NSG2: variants seen among roughly 807,000 people sequenced by gnomAD.
NSG2 encodes the protein neuronal vesicle trafficking associated 2.
NSG2 carries 4 observed loss-of-function variants against 16.9 expected under a neutral mutation model. That is an observed-to-expected ratio of 0.24 (90% CI 0.12 to 0.54). NSG2 has a LOEUF of 0.54. Ranked by LOEUF, NSG2 falls within the 20% of genes least tolerant of loss-of-function variation. NSG2 has a pLI of 0.95. For missense variants in NSG2, 179 were observed against 221.1 expected (o/e 0.81, Z 1.21); for synonymous variants, 98 against 88.7 (o/e 1.11, Z -0.59).
At position 174,076,950 on chromosome 5, in the gene NSG2, C is replaced by T. The variant is rs113172989; in HGVS notation, c.213+12635C>T. Among the ~76,000 whole-genome samples the T allele has an allele frequency of 7.1e-3, 1,083 of 152,284 alleles. 11 individuals are homozygous for T. The highest frequency in any genetic ancestry group is 0.024 in the African/African-American group (979 of 41,562). On this transcript the variant is annotated intron_variant, in intron 3 of 4. Transcript: ENST00000303177. ...AAAACCAGAAATCAAACCATAGTCA[C>T]GCCACCAAGGATAAGTCAGATTTGT... is the stretch of plus-strand genomic sequence containing the variant.
chr5:174,069,532 TC>T (rs1191645638), intron 3 of NSG2, among the ~76,000 whole-genome samples: 2 of 152,170 alleles, frequency 1.3e-5, no homozygotes, highest in Non-Finnish European at 1.5e-5. Context: ...ATCTCTCCAC[TC>T]CCAAGTTCCC....
intron 3 of NSG2, among the ~76,000 whole-genome samples, chr5:174,099,216 A>T (rs1487889283): frequency 2.0e-5 from 3 of 152,080 alleles, no homozygotes; most frequent in African/African-American, 7.2e-5. Flanking sequence ...CTCGCCCTGG[A>T]ACCAAACCAG....
In NSG2 at chr5:174,072,753, G is replaced by A. The variant is rs567219557; in HGVS notation, c.213+8438G>A. ...AATCCTAGCACTTTGGAAGGCCAAG[G>A]TGGGAGGATTGCTTGAACCCAGGAG... On this transcript the variant is annotated intron_variant, in intron 3 of 4. Transcript: ENST00000303177. This position sits in a 1 kb window ranked among gnomAD's most constrained non-coding sequence, Gnocchi z 4.0. 6.6e-6 allele frequency among the ~76,000 whole-genome samples: 1 copy of A among 152,360 alleles called. No homozygotes were observed. The highest frequency in any genetic ancestry group is 2.4e-5 in the African/African-American group (1 of 41,582).
At chr5:174,104,372 C>A in intron 4 of NSG2, 34 bp downstream of exon 4, 1 of 1,447,872 alleles carries the variant, frequency 6.9e-7, no homozygotes, top group Non-Finnish European at 9.7e-7. Flanking sequence ...AGGTCACTAT[C>A]AAATTCAGTT....
In NSG2 at chr5:174,107,475, G is replaced by A. The variant is rs762053525; in HGVS notation, c.486G>A (p.Glu162=). The A allele has an allele frequency of 2.5e-6, 4 of 1,611,554 alleles. No homozygotes were observed. In the East Asian group the frequency reaches 6.7e-5, roughly 27 times the overall value. Residue 162 remains glutamate (E), a synonymous_variant, in exon 5 of 5, where the codon GAG becomes GAA. Coordinates refer to ENST00000303177, the MANE Select transcript of NSG2 (RefSeq NM_015980.5). This position sits in a 1 kb window ranked among gnomAD's most constrained non-coding sequence, Gnocchi z 4.5. ...TGTCAGCAGCCGCTGTCATCCATGAGCCCAAGCCGCCCAAGACCCAGGGCC... is the reference window on the plus strand; with the variant it reads ...TGTCAGCAGCCGCTGTCATCCATGAACCCAAGCCGCCCAAGACCCAGGGCC... ...PWLSAAAVIH[E]PKPPKTQGH
chr5:174,067,961 A>G (rs1222145431), intron 3 of NSG2, among the ~76,000 whole-genome samples: 1 of 151,996 alleles, frequency 6.6e-6, no homozygotes, highest in African/African-American at 2.4e-5. Context: ...GAGGGGGAAG[A>G]CAGGTGGTCT....
At chr5:174,102,828 G>C (rs569799085) in intron 3 of NSG2, among the ~76,000 whole-genome samples, 1 of 150,918 alleles carries the variant, frequency 6.6e-6, no homozygotes, top group Non-Finnish European at 1.5e-5. Context: ...ACCCAGCCTG[G>C]AGTGCTGTGG....
intron 1 of NSG2, 73 bp from the exon 2 acceptor site, chr5:174,046,661 T>A: frequency 7.1e-7 from 1 of 1,402,192 alleles, no homozygotes; most frequent in South Asian, 1.2e-5. Flanking sequence ...AGGACAGTGC[T>A]ATTTTCTCTG....
intron 2 of NSG2, among the ~76,000 whole-genome samples, chr5:174,053,963 G>A (rs953624826): frequency 2.6e-5 from 4 of 152,166 alleles, no homozygotes; most frequent in African/African-American, 9.7e-5. Flanking sequence ...GTTACCCTAT[G>A]GGTATATATT....
intron 2 of NSG2, among the ~76,000 whole-genome samples, chr5:174,058,847 CT>C (rs1348977803): frequency 2.6e-5 from 4 of 152,194 alleles, no homozygotes; most frequent in Non-Finnish European, 4.4e-5. Flanking sequence ...GCCTGAGTTG[CT>C]TTTGGAGAAA....
chr5:174,082,201 C>T (rs981702866), intron 3 of NSG2: 1 of 152,280 alleles, frequency 6.6e-6, no homozygotes, highest in Non-Finnish European at 1.5e-5. Flanking sequence ...TGGCCCCATT[C>T]AGTCAATAAG....
chr5:174,076,347 A>G (rs1237698378), intron 3 of NSG2, among the ~76,000 whole-genome samples: 1 of 152,132 alleles, frequency 6.6e-6, no homozygotes, highest in African/African-American at 2.4e-5. Flanking sequence ...AAGTATTGTC[A>G]TTAATTTGGG....
In NSG2 at chr5:174,075,660, C is replaced by G. The variant is rs143160695; in HGVS notation, c.213+11345C>G. Among the ~76,000 whole-genome samples, 3 of 152,308 alleles carry G rather than the reference C, an allele frequency of 2.0e-5. No individual in the cohort carries two copies. The East Asian group carries it at 5.8e-4, about 29-fold the overall frequency. ...CTGTCATGCCACCTGCTCCGCAATC[C>G]CAGTCACAAGGTGGGAGAGCTCATC... On this transcript the variant is annotated intron_variant, in intron 3 of 4. Transcript: ENST00000303177.
intron 3 of NSG2, among the ~76,000 whole-genome samples, chr5:174,090,524 T>C (rs1337670086): frequency 6.6e-6 from 1 of 152,202 alleles, no homozygotes; most frequent in Non-Finnish European, 1.5e-5. Context: ...TCCTATCAGT[T>C]CTGGGGATGG....
intron 3 of NSG2, among the ~76,000 whole-genome samples, chr5:174,080,011 T>C (rs1341618898): frequency 1.3e-5 from 2 of 152,208 alleles, no homozygotes; most frequent in Non-Finnish European, 2.9e-5. Context: ...AGTTTATTTG[T>C]TTTTGAATGG....
chr5:174,051,086 G>A (rs1196896332), intron 2 of NSG2, among the ~76,000 whole-genome samples: 1 of 152,114 alleles, frequency 6.6e-6, no homozygotes, highest in Non-Finnish European at 1.5e-5. Context: ...CTGCAGCAGC[G>A]GTGCTCCATG....
intron 3 of NSG2, among the ~76,000 whole-genome samples, chr5:174,096,735 T>G (rs1581241401): frequency 6.6e-6 from 1 of 151,446 alleles, no homozygotes. Flanking sequence ...CAGGGGGAGA[T>G]AAATAAGCTG....
intron 2 of NSG2, among the ~76,000 whole-genome samples, chr5:174,063,578 ATATT>A (rs138111820): frequency 1.4e-4 from 20 of 146,504 alleles, no homozygotes; most frequent in East Asian, 6.0e-4. Context: ...ATTTATTTAC[ATATT>A]TATTTATTTA....
chr5:174,048,112 G>A (rs1759830281), intron 2 of NSG2, among the ~76,000 whole-genome samples: 1 of 152,196 alleles, frequency 6.6e-6, no homozygotes, highest in African/African-American at 2.4e-5. Context: ...ATTCTTAAGT[G>A]CCATCCTAAG....
Sources: gnomAD v4.1 joint callset for allele counts (sites outside exome capture counted in the v4.1 genomes callset) on GRCh38, gnomAD v4.1.1 for gene constraint, Gnocchi (gnomAD v3.1) non-coding constraint, MANE v1.5 for transcripts, NCBI Gene and HGNC (gene_info 2026-07-23, HGNC 2026-07-21) for gene names.